MMS22L: variants seen among roughly 807,000 people sequenced by gnomAD.
The protein encoded by MMS22L is MMS22 like, DNA repair protein, also known as protein MMS22-like.
MMS22L carries 74 observed loss-of-function variants against 159.1 expected under a neutral mutation model. The ratio of observed to expected loss-of-function variants is 0.47; its 90% CI spans 0.39 to 0.56. The LOEUF (loss-of-function observed/expected upper bound fraction) is 0.56. MMS22L is among the 20% of genes least tolerant of loss of function. The probability of loss-of-function intolerance (pLI) is 0.00; values close to 1 mark genes in which losing one functional copy is unlikely to be tolerated. For missense variants in MMS22L, 1,351 were observed against 1,422.1 expected, an observed-to-expected ratio of 0.95 and a Z score of 0.80; for synonymous variants, 517 against 506.9, an observed-to-expected ratio of 1.02 and a Z score of -0.27.
At chr6:97,260,421 A>G (rs567692712) in intron 9 of MMS22L, 1 of 151,906 alleles carries the variant, frequency 6.6e-6, no homozygotes, top group African/African-American at 2.4e-5. Context: ...TTAAATTTTC[A>G]TTTAAGTCTA....
In MMS22L at chr6:97,146,863, A is replaced by T. The variant is rs1193865689; in HGVS notation, c.3675T>A (p.Ser1225=). 4 of 1,559,292 alleles carry T rather than the reference A, an allele frequency of 2.6e-6. No individual in the cohort carries two copies. The Admixed American group carries it at 6.7e-5, about 26-fold the overall frequency. Reference sequence around the variant, plus strand: ...CATCTTGTCCCATCTGTCCAAGGTGAGACAAAAGTTTGCTATAGGCTTCCC... The same window carrying T: ...CATCTTGTCCCATCTGTCCAAGGTGTGACAAAAGTTTGCTATAGGCTTCCC... ...AQREAYSKLL[S]HLGQMGQDEM... is the part of the protein sequence containing the mutation. The change falls in exon 25 of 25, where the codon TCT becomes TCA. Residue 1225 remains serine, a synonymous_variant. Coordinates refer to ENST00000683635, the MANE Select transcript of MMS22L (RefSeq NM_001350599.2).
rs1272925741 is a variant in MMS22L, at chr6:97,144,105, C to CAACA, written c.*2700_*2701insTGTT. 4.0e-4 allele frequency: 35 copies of CAACA among 87,328 alleles called. No homozygotes were observed. The highest frequency in any genetic ancestry group is 1.6e-3 in the African/African-American group (35 of 21,966). 5.4% of individuals were successfully genotyped at this position (87,328 alleles called of 1,614,324 possible). Reference sequence around the variant, plus strand: ...CTCAAAACAACAACAACAACAACAACAAAAAAAAAAAAAAAAAAAAAAAGA... The same window carrying CAACA: ...CTCAAAACAACAACAACAACAACAACAACAAAAAAAAAAAAAAAAAAAAAAAAGA... On this transcript the variant is annotated 3_prime_UTR_variant, in exon 25 of 25. Transcript: ENST00000683635.
chr6:97,211,102 G>A (rs772595906), intron 14 of MMS22L, among the ~76,000 whole-genome samples: 3 of 151,878 alleles, frequency 2.0e-5, no homozygotes, highest in African/African-American at 2.4e-5. Flanking sequence ...GGACACAGAA[G>A]CATTCAAAAA....
chr6:97,185,821 G>A (rs954871344), intron 15 of MMS22L, among the ~76,000 whole-genome samples: 6 of 152,108 alleles, frequency 3.9e-5, no homozygotes, highest in Non-Finnish European at 5.9e-5. Context: ...CAAGTACATG[G>A]AGTTACCATA....
At chr6:97,236,734 C>G (rs928413059) in intron 11 of MMS22L, among the ~76,000 whole-genome samples, 20 of 151,814 alleles carry the variant, frequency 1.3e-4, no homozygotes, top group African/African-American at 2.9e-4. Flanking sequence ...GGCAGATCAC[C>G]AGGTCAGGAG....
At chr6:97,248,259 A>T (rs1812878987) in intron 10 of MMS22L, among the ~76,000 whole-genome samples, 1 of 152,256 alleles carries the variant, frequency 6.6e-6, no homozygotes, top group Non-Finnish European at 1.5e-5. Context: ...CTGAAAGCAA[A>T]TTCTGCAGTT....
chr6:97,245,281 G>A (rs1043373297), intron 11 of MMS22L, among the ~76,000 whole-genome samples: 2 of 152,030 alleles, frequency 1.3e-5, no homozygotes, highest in African/African-American at 4.8e-5. Context: ...CAATGAGAAA[G>A]CAATTTAAAG....
rs112706660 is a variant in MMS22L at position 97,241,705 on chromosome 6, T to C, written c.1182+4923A>G. Among the ~76,000 whole-genome samples, 39 of 152,348 alleles carry C rather than the reference T, an allele frequency of 2.6e-4. 2 individuals carry two copies. Among genetic ancestry groups the C allele is most frequent in the African/African-American group, 8.7e-4 (36 of 41,586 alleles). On this transcript the variant is annotated intron_variant, in intron 11 of 24. Transcript: ENST00000683635. Reference sequence around the variant, plus strand: ...TTGAAGTGTGACCTTAGATTGTCTATTTGTGCTCTTTCAGACTTTTTGATG... The same window carrying C: ...TTGAAGTGTGACCTTAGATTGTCTACTTGTGCTCTTTCAGACTTTTTGATG...
chr6:97,184,921 T>A (rs1805069511), intron 15 of MMS22L, among the ~76,000 whole-genome samples: 1 of 152,128 alleles, frequency 6.6e-6, no homozygotes, highest in Admixed American at 6.6e-5. Flanking sequence ...GAACACAAAC[T>A]AGCTCTCCAT....
rs759071758 is a variant in MMS22L, at chr6:97,254,596, T to C, written c.1080A>G (p.Ser360=). ...FSWWIITHVA[S]FYKFDRHGVP... is the part of the protein sequence containing the mutation. ...CTCCATGGCGATCAAACTTGTAAAA[T>C]GATGCTACATGAGTAATAATCCACC... The change falls in exon 10 of 25, where the codon TCA becomes TCG. Residue 360 remains serine, a synonymous_variant. Coordinates refer to ENST00000683635, the MANE Select transcript of MMS22L (RefSeq NM_001350599.2). 5.0e-6 allele frequency: 8 copies of C among 1,613,604 alleles called. No homozygotes were observed. Among genetic ancestry groups the C allele is most frequent in the South Asian group, 3.3e-5 (3 of 91,022 alleles).
chr6:97,180,806 ACT>A (rs1194541131), intron 16 of MMS22L, among the ~76,000 whole-genome samples: 4 of 152,104 alleles, frequency 2.6e-5, no homozygotes, highest in Admixed American at 2.6e-4. Flanking sequence ...CTGAATTTGA[ACT>A]CTCTTACCTT....
At chr6:97,247,125 C>G (rs925264588) in intron 10 of MMS22L, among the ~76,000 whole-genome samples, 2 of 151,462 alleles carry the variant, frequency 1.3e-5, no homozygotes, top group Admixed American at 1.3e-4. Context: ...AGACCATCTA[C>G]TTTAGTAAAC....
chr6:97,179,995 G>A (rs982612970), intron 16 of MMS22L, among the ~76,000 whole-genome samples: 4 of 152,156 alleles, frequency 2.6e-5, no homozygotes, highest in African/African-American at 9.7e-5. Flanking sequence ...CTCACTATAC[G>A]GAGAGTTGTT....
intron 4 of MMS22L, among the ~76,000 whole-genome samples, chr6:97,274,178 A>C (rs1406247648): frequency 1.3e-5 from 2 of 152,212 alleles, no homozygotes; most frequent in Non-Finnish European, 2.9e-5. Context: ...ACATGATGAG[A>C]ATTATAGGCT....
intron 2 of MMS22L, 32 bp downstream of exon 2, chr6:97,282,282 G>C (rs761745366): frequency 6.2e-7 from 1 of 1,606,058 alleles, no homozygotes. Context: ...TGAATAATCA[G>C]ATGAGGGAAA....
At chr6:97,273,213 C>CA (rs1169657453) in intron 4 of MMS22L, 151 bp from the exon 5 acceptor site, 3 of 644,280 alleles carry the variant, frequency 4.7e-6, no homozygotes, top group Non-Finnish European at 7.9e-6. Flanking sequence ...CGCTACTCCT[C>CA]AAAAAATGCT....
intron 13 of MMS22L, among the ~76,000 whole-genome samples, chr6:97,229,931 T>C (rs1311662990): frequency 6.6e-6 from 1 of 152,160 alleles, no homozygotes; most frequent in Non-Finnish European, 1.5e-5. Flanking sequence ...CAAAGAACTA[T>C]GCATTTAAAA....
At chr6:97,190,209 T>C (rs922760315) in intron 14 of MMS22L, among the ~76,000 whole-genome samples, 1 of 152,194 alleles carries the variant, frequency 6.6e-6, no homozygotes, top group Non-Finnish European at 1.5e-5. Context: ...ATACATAAAA[T>C]ATTATAAAGA....
rs772217868 is a variant in MMS22L, at chr6:97,282,389, G to T, written c.89C>A (p.Ser30Tyr). Residue 30 changes from serine (S) to tyrosine (Y), a missense_variant, in exon 2 of 25, where the codon TCT becomes TAT. Transcript: ENST00000683635. ...TCCTCCTCTGTTGTCAACAGCACAA[G>T]AAAAGTAAGGAGGTTTGCACCATTC... ...GTEWCKPPYFSCAVDNRGGGK... is the reference protein window; with the variant it reads ...GTEWCKPPYFYCAVDNRGGGK... The T allele has an allele frequency of 1.2e-6, 2 of 1,614,120 alleles. No individual in the cohort carries two copies. The highest frequency in any genetic ancestry group is 1.7e-6 in the Non-Finnish European group (2 of 1,180,014).
Sources: allele counts gnomAD v4.1 joint callset (sites outside exome capture counted in the v4.1 genomes callset), GRCh38; gene constraint gnomAD v4.1.1; transcripts MANE v1.5; gene names NCBI Gene and HGNC (gene_info 2026-07-23, HGNC 2026-07-21).